The following GSTA4 variants were observed in gnomAD, a reference collection of about 807,000 sequenced individuals.
GSTA4 encodes the protein glutathione S-transferase alpha 4.
Under a neutral mutation model 24.4 loss-of-function variants are expected in GSTA4, and 15 were observed. The observed-to-expected ratio is 0.61, with a 90% CI of 0.41 to 0.95. The LOEUF is 0.95. GSTA4 is among the 40% of genes least tolerant of loss of function. GSTA4 has a pLI of 0.00. For missense variants in GSTA4, 244 were observed against 262.1 expected, an observed-to-expected ratio of 0.93 and a Z score of 0.48; for synonymous variants, 92 against 94.2, an observed-to-expected ratio of 0.98 and a Z score of 0.13.
At chr6:52,986,745 C>G (rs971118737) in intron 3 of GSTA4, among the ~76,000 whole-genome samples, 7 of 152,148 alleles carry the variant, frequency 4.6e-5, no homozygotes, top group Non-Finnish European at 1.0e-4. Context: ...CGGTACCACA[C>G]AGGGGAGCCT....
intron 5 of GSTA4, 126 bp downstream of exon 5, chr6:52,984,338 T>G: frequency 3.6e-6 from 3 of 829,610 alleles, no homozygotes; most frequent in Non-Finnish European, 3.8e-6. Context: ...TAGGAGTCCA[T>G]TAGCGCTTAG....
chr6:52,990,871 G>A (rs1763647332), intron 2 of GSTA4, among the ~76,000 whole-genome samples: 1 of 152,154 alleles, frequency 6.6e-6, no homozygotes, highest in Admixed American at 6.5e-5. Context: ...ACAAGAGGGC[G>A]AGGTGGGGCA....
At chr6:52,984,317 C>A (rs1763508689) in intron 5 of GSTA4, 147 bp downstream of exon 5, 4 of 673,776 alleles carry the variant, frequency 5.9e-6, no homozygotes, top group African/African-American at 1.8e-5. Flanking sequence ...GCTGTGGCTA[C>A]TATTCGCTCT....
chr6:52,993,089 C>G (rs1005361789), intron 2 of GSTA4, among the ~76,000 whole-genome samples: 9 of 151,710 alleles, frequency 5.9e-5, no homozygotes, highest in South Asian at 4.2e-4. Context: ...GGCTACAGAG[C>G]CAGCCTCCGT....
intron 5 of GSTA4, among the ~76,000 whole-genome samples, chr6:52,983,189 T>C (rs1763487216): frequency 6.6e-6 from 1 of 152,158 alleles, no homozygotes; most frequent in Non-Finnish European, 1.5e-5. Flanking sequence ...TCAAGAGGTG[T>C]AGTCATAAAC....
At chr6:52,980,325 GAC>G (rs755686123) in intron 6 of GSTA4, among the ~76,000 whole-genome samples, 3 of 96,434 alleles carry the variant, frequency 3.1e-5, no homozygotes, top group Non-Finnish European at 4.6e-5. Context: ...TTTTTTTTGA[GAC>G]ACAGTTTTGC....
intron 5 of GSTA4, 152 bp from the exon 6 acceptor site, chr6:52,982,857 A>C: frequency 1.6e-6 from 1 of 632,570 alleles, no homozygotes; most frequent in Non-Finnish European, 2.7e-6. Flanking sequence ...CGCACCCTAT[A>C]TCTGACAGAG....
chr6:52,993,712 T>C (rs1763706935), intron 2 of GSTA4, among the ~76,000 whole-genome samples: 1 of 152,204 alleles, frequency 6.6e-6, no homozygotes, highest in African/African-American at 2.4e-5. Context: ...CATTTATTGG[T>C]ATTTGAAAAT....
At chr6:52,991,191 G>C (rs1763654208) in intron 2 of GSTA4, among the ~76,000 whole-genome samples, 1 of 152,172 alleles carries the variant, frequency 6.6e-6, no homozygotes, top group African/African-American at 2.4e-5. Context: ...ATATTTTAAA[G>C]TAATTAAATA....
intron 6 of GSTA4, among the ~76,000 whole-genome samples, chr6:52,982,141 G>A (rs551160739): frequency 1.3e-5 from 2 of 152,244 alleles, no homozygotes; most frequent in South Asian, 4.2e-4. Flanking sequence ...CATCTCTATG[G>A]TTATTTCTAT....
chr6:52,993,669 G>GAGT (rs1763706159), intron 2 of GSTA4, among the ~76,000 whole-genome samples: 1 of 152,182 alleles, frequency 6.6e-6, no homozygotes, highest in African/African-American at 2.4e-5. Context: ...GTCGGGTGAT[G>GAGT]AGTACATAGA....
chr6:52,985,599 C>T lies in GSTA4; in HGVS notation c.140-16G>A, dbSNP rs1763536789. 1 of 1,613,362 alleles carries T rather than the reference C, an allele frequency of 6.2e-7. No homozygotes were observed. The highest frequency in any genetic ancestry group is 1.1e-5 in the South Asian group (1 of 91,022). ...AGGTGGTTACCTGAGAATGGAAGCC[C>T]AGAGTTAGAAGTGATCTTTTCTTCT... On this transcript the variant is annotated splice_polypyrimidine_tract_variant and intron_variant, in intron 3 of 6. Coordinates refer to ENST00000370963, the MANE Select transcript of GSTA4 (RefSeq NM_001512.4).
chr6:52,992,005 T>C (rs1763670957), intron 2 of GSTA4, among the ~76,000 whole-genome samples: 1 of 152,096 alleles, frequency 6.6e-6, no homozygotes, highest in Non-Finnish European at 1.5e-5. Context: ...TTTGCCCACC[T>C]CGGCCTCCCA....
chr6:52,994,189 C>G lies in GSTA4; in HGVS notation c.55G>C (p.Val19Leu). The G allele has an allele frequency of 6.2e-7, 1 of 1,613,336 alleles. No individual in the cohort carries two copies. Among genetic ancestry groups the G allele is most frequent in the Non-Finnish European group, 8.5e-7 (1 of 1,179,274 alleles). The change falls in exon 2 of 7, where the codon GTG (valine) becomes CTG (leucine). Residue 19 changes from valine (V) to leucine (L), a missense_variant. By Grantham distance (32) the Val-to-Leu change is conservative. Transcript: ENST00000370963. Reference sequence around the variant, plus strand: ...CCGGCGGCAGCTAAAACCCATCTCACGGACTCCATCCGGCCTCTTCCGTTG... The same window carrying G: ...CCGGCGGCAGCTAAAACCCATCTCAGGGACTCCATCCGGCCTCTTCCGTTG... ...YPNGRGRMES[V>L]RWVLAAAGVE... is the part of the protein sequence containing the mutation.
At chr6:52,986,931 G>C (rs572126874) in intron 3 of GSTA4, among the ~76,000 whole-genome samples, 1 of 152,162 alleles carries the variant, frequency 6.6e-6, no homozygotes, top group Non-Finnish European at 1.5e-5. Flanking sequence ...TTTCACTTCT[G>C]TGTAGTATTT....
chr6:52,992,061 A>G (rs1763672042), intron 2 of GSTA4, among the ~76,000 whole-genome samples: 1 of 141,664 alleles, frequency 7.1e-6, no homozygotes, highest in African/African-American at 2.9e-5. Context: ...GCTGGTTAAT[A>G]CCATTTTTCT....
Position 52,982,604 on chromosome 6 carries a change from A to T in GSTA4, c.516T>A (p.Pro172=). 6.2e-7 allele frequency: 1 copy of T among 1,610,422 alleles called. No homozygotes were observed. Among genetic ancestry groups the T allele is most frequent in the Admixed American group, 1.7e-5 (1 of 59,924 alleles). ...GGAAAGGAAATGCAGACAGGATATT[A>T]GGAATTTTCTCTTCTAGAGCTAAAA... ...QTILALEEKI[P]NILSAFPFLQ... The change falls in exon 6 of 7, where the codon CCT becomes CCA. Residue 172 remains proline, a synonymous_variant. Coordinates refer to ENST00000370963, the MANE Select transcript of GSTA4 (RefSeq NM_001512.4).
intron 1 of GSTA4, 156 bp from the exon 2 acceptor site, chr6:52,994,417 C>T (rs985540175): frequency 7.3e-6 from 4 of 548,744 alleles, no homozygotes; most frequent in African/African-American, 1.9e-5. Context: ...GAAAAAAAAA[C>T]CACCATTTTA....
At chr6:52,994,333 G>T (rs1011267554) in intron 1 of GSTA4, 72 bp from the exon 2 acceptor site, 2 of 722,128 alleles carry the variant, frequency 2.8e-6, no homozygotes, top group Non-Finnish European at 4.8e-6. Flanking sequence ...AGTGCTCAGG[G>T]GCGAAATGAA....
Sources: allele counts gnomAD v4.1 joint callset (sites outside exome capture counted in the v4.1 genomes callset), GRCh38; gene constraint gnomAD v4.1.1; transcripts MANE v1.5; gene names NCBI Gene and HGNC (gene_info 2026-07-23, HGNC 2026-07-21).